LHFPL3: variants seen among roughly 807,000 people sequenced by gnomAD.
LHFPL3 encodes LHFPL tetraspan subfamily member 3, also known as LHFPL tetraspan subfamily member 3 protein.
LHFPL3 carries 5 observed loss-of-function variants against 19.3 expected under a neutral mutation model. That is an observed-to-expected ratio of 0.26 (90% confidence interval 0.14 to 0.54). The LOEUF is 0.54. Ranked by LOEUF, LHFPL3 falls within the 20% of genes least tolerant of loss-of-function variation. The probability of loss-of-function intolerance (pLI) is 0.94; values close to 1 mark genes in which losing one functional copy is unlikely to be tolerated. For synonymous variants in LHFPL3, 133 were observed against 126.2 expected, an observed-to-expected ratio of 1.05 and a Z score of -0.36; for missense variants, 249 against 307.4, an observed-to-expected ratio of 0.81 and a Z score of 1.42.
intron 2 of LHFPL3, among the ~76,000 whole-genome samples, chr7:104,822,131 T>A (rs1790686950): frequency 2.0e-5 from 3 of 152,188 alleles, no homozygotes; most frequent in African/African-American, 7.2e-5. Flanking sequence ...GAGTTTCCCA[T>A]GAGACTAAGT....
At chr7:104,823,082 A>G (rs1212943719) in intron 2 of LHFPL3, among the ~76,000 whole-genome samples, 3 of 152,216 alleles carry the variant, frequency 2.0e-5, no homozygotes, top group Non-Finnish European at 2.9e-5. Context: ...ATGCATAAAA[A>G]CAGTGAGCCA....
intron 2 of LHFPL3, among the ~76,000 whole-genome samples, chr7:104,900,591 G>A (rs1792464021): frequency 1.3e-5 from 2 of 152,216 alleles, no homozygotes; most frequent in Admixed American, 1.3e-4. Context: ...GGAGACAGGA[G>A]GAGTCAGCTC....
At chr7:104,464,890 A>T (rs754573593) in intron 1 of LHFPL3, among the ~76,000 whole-genome samples, 2 of 152,198 alleles carry the variant, frequency 1.3e-5, no homozygotes, top group Admixed American at 6.5e-5. Flanking sequence ...TGCTTATGCA[A>T]GTTTCTACAG....
intron 2 of LHFPL3, among the ~76,000 whole-genome samples, chr7:104,810,855 G>C (rs928887184): frequency 4.6e-5 from 7 of 152,192 alleles, no homozygotes; most frequent in African/African-American, 9.7e-5. Context: ...TTTTCCACCA[G>C]GAAAACATTC....
At chr7:104,557,745 G>C (rs1380730253) in intron 1 of LHFPL3, among the ~76,000 whole-genome samples, 2 of 151,244 alleles carry the variant, frequency 1.3e-5, no homozygotes, top group African/African-American at 4.9e-5. Flanking sequence ...AGTTACATAT[G>C]TATACATGTG....
intron 1 of LHFPL3, among the ~76,000 whole-genome samples, chr7:104,631,107 C>A (rs1584450552): frequency 6.6e-6 from 1 of 152,060 alleles, no homozygotes; most frequent in Non-Finnish European, 1.5e-5. Context: ...TTCTGCAACA[C>A]GTTTTACTGA....
intron 1 of LHFPL3, among the ~76,000 whole-genome samples, chr7:104,630,598 C>T (rs1235615049): frequency 6.6e-6 from 1 of 152,092 alleles, no homozygotes; most frequent in Non-Finnish European, 1.5e-5. Context: ...CAGGAGACAG[C>T]TCCATTGTTT....
chr7:104,514,500 T>C (rs1216344135), intron 1 of LHFPL3, among the ~76,000 whole-genome samples: 2 of 152,182 alleles, frequency 1.3e-5, no homozygotes, highest in East Asian at 3.8e-4. Flanking sequence ...ATAAATAATT[T>C]GTTGCCTGAA....
intron 1 of LHFPL3, among the ~76,000 whole-genome samples, chr7:104,556,380 A>G (rs544297676): frequency 1.4e-4 from 21 of 152,226 alleles, no homozygotes; most frequent in Admixed American, 1.3e-3. Flanking sequence ...CCAAACCTCA[A>G]TTCTTGACTT....
At chr7:104,757,657 A>G (rs1297055703) in intron 2 of LHFPL3, 9 of 152,530 alleles carry the variant, frequency 5.9e-5, no homozygotes, top group Admixed American at 5.9e-4. Flanking sequence ...ATGAGATATC[A>G]TCTCACACCA....
intron 2 of LHFPL3, among the ~76,000 whole-genome samples, chr7:104,856,398 C>T (rs1014274694): frequency 2.0e-5 from 3 of 151,876 alleles, no homozygotes; most frequent in Non-Finnish European, 2.9e-5. Context: ...TACAGGCACC[C>T]GCCACCACAC....
chr7:104,427,907 G>A (rs1791879606), intron 1 of LHFPL3, among the ~76,000 whole-genome samples: 2 of 152,322 alleles, frequency 1.3e-5, no homozygotes, highest in South Asian at 4.1e-4. Flanking sequence ...TCAGGAATGA[G>A]AAATATCACC....
At chr7:104,881,918 GTTCA>G (rs1212222451) in intron 2 of LHFPL3, among the ~76,000 whole-genome samples, 3 of 152,048 alleles carry the variant, frequency 2.0e-5, no homozygotes, top group Non-Finnish European at 4.4e-5. Context: ...GCAAAAATTC[GTTCA>G]TTAATTTATT....
rs374071008 is a variant in LHFPL3, at chr7:104,794,071, G to A, written c.682+57160G>A. On this transcript the variant is annotated intron_variant, in intron 2 of 2. Transcript: ENST00000424859. ...CTTTGTGAATTCACTGAACATACACGTATGATCGGCACACTTTTTCTTATA... is the reference window on the plus strand; with the variant it reads ...CTTTGTGAATTCACTGAACATACACATATGATCGGCACACTTTTTCTTATA... Among the ~76,000 whole-genome samples, 25 of 152,214 alleles carry A rather than the reference G, an allele frequency of 1.6e-4. No homozygotes were observed. The East Asian group carries it at 3.9e-3, about 24-fold the overall frequency.
intron 2 of LHFPL3, among the ~76,000 whole-genome samples, chr7:104,891,429 AT>A (rs1015884700): frequency 6.6e-6 from 1 of 152,102 alleles, no homozygotes; most frequent in African/African-American, 2.4e-5. Context: ...ATCAGGCCAA[AT>A]TTCATCCCTT....
chr7:104,584,970 T>G (rs2115588929), intron 1 of LHFPL3, among the ~76,000 whole-genome samples: 1 of 152,260 alleles, frequency 6.6e-6, no homozygotes, highest in African/African-American at 2.4e-5. Flanking sequence ...TGTTTTATGT[T>G]TATACTGAAG....
At chr7:104,882,467 C>G (rs558438366) in intron 2 of LHFPL3, among the ~76,000 whole-genome samples, 1 of 152,300 alleles carries the variant, frequency 6.6e-6, no homozygotes, top group African/African-American at 2.4e-5. Context: ...AGGCTAGTCT[C>G]AAACTCCTGA....
In LHFPL3 at chr7:104,414,114, C is replaced by T. The variant is rs186001813; in HGVS notation, c.445+84890C>T. 6.6e-5 allele frequency among the ~76,000 whole-genome samples: 10 copies of T among 151,494 alleles called. 1 individual carries two copies. The highest frequency in any genetic ancestry group is 6.6e-4 in the Admixed American group (10 of 15,224). On this transcript the variant is annotated intron_variant, in intron 1 of 2. Coordinates refer to ENST00000424859, the MANE Select transcript of LHFPL3 (RefSeq NM_199000.3). Reference sequence around the variant, plus strand: ...TTTCAGTGAAAAAAAAAAACTATCGCACAGAAGCTTTTTTTTTCTTTCGTT... The same window carrying T: ...TTTCAGTGAAAAAAAAAAACTATCGTACAGAAGCTTTTTTTTTCTTTCGTT...
At chr7:104,874,475 A>G (rs1307718249) in intron 2 of LHFPL3, among the ~76,000 whole-genome samples, 1 of 150,902 alleles carries the variant, frequency 6.6e-6, no homozygotes, top group Non-Finnish European at 1.5e-5. Context: ...GCTCACTGCA[A>G]CCTCCGTCTC....
Sources: gnomAD v4.1 joint callset for allele counts (sites outside exome capture counted in the v4.1 genomes callset) on GRCh38, gnomAD v4.1.1 for gene constraint, MANE v1.5 for transcripts, NCBI Gene and HGNC (gene_info 2026-07-23, HGNC 2026-07-21) for gene names.